The following RTN4IP1 variants were observed in gnomAD, a reference collection of about 807,000 sequenced individuals.
RTN4IP1 encodes NAD(P)H oxidoreductase RTN4IP1, mitochondrial.
In RTN4IP1, 32 loss-of-function variants were observed where a neutral mutation model predicts 46.6. That is an observed-to-expected ratio of 0.69 (90% CI 0.52 to 0.92). The LOEUF is 0.92. Ranked by LOEUF, RTN4IP1 falls within the 40% of genes least tolerant of loss-of-function variation. The probability of loss-of-function intolerance (pLI) is 0.00; values close to 1 mark genes in which losing one functional copy is unlikely to be tolerated. For missense variants in RTN4IP1, 424 were observed against 485.8 expected, an observed-to-expected ratio of 0.87 and a Z score of 1.20; for synonymous variants, 167 against 161.8, an observed-to-expected ratio of 1.03 and a Z score of -0.24.
At chr6:106,577,551 A>T (rs4523123) in intron 8 of RTN4IP1, among the ~76,000 whole-genome samples, 21,313 of 151,308 alleles carry the variant, frequency 0.14, 1,725 homozygotes, top group African/African-American at 0.21. Context: ...TGCTCTCATA[A>T]CCTTTTTGAA....
chr6:106,581,860 G>C (rs1775379633), intron 8 of RTN4IP1, among the ~76,000 whole-genome samples: 1 of 152,206 alleles, frequency 6.6e-6, no homozygotes, highest in Non-Finnish European at 1.5e-5. Context: ...GGAGCAGATA[G>C]CAGGACAAGC....
chr6:106,579,324 C>T (rs984848850), intron 8 of RTN4IP1, among the ~76,000 whole-genome samples: 4 of 151,888 alleles, frequency 2.6e-5, no homozygotes, highest in Admixed American at 2.6e-4. Flanking sequence ...CTGTAGTTTG[C>T]CAACCACTTT....
chr6:106,621,806 T>C (rs1277780926), intron 2 of RTN4IP1, among the ~76,000 whole-genome samples: 1 of 152,198 alleles, frequency 6.6e-6, no homozygotes, highest in Non-Finnish European at 1.5e-5. Flanking sequence ...TGAGACCTCT[T>C]TATAGCTTGG....
chr6:106,605,297 G>A (rs780461955), intron 4 of RTN4IP1, among the ~76,000 whole-genome samples: 58 of 151,788 alleles, frequency 3.8e-4, no homozygotes, highest in Middle Eastern at 6.8e-3. Context: ...AGCTGGGCAC[G>A]GTGGCACACT....
chr6:106,606,860 T>C (rs1000510146), intron 4 of RTN4IP1, among the ~76,000 whole-genome samples: 3 of 152,114 alleles, frequency 2.0e-5, no homozygotes, highest in Admixed American at 2.0e-4. Context: ...ATTCAAGCCT[T>C]ATCAAAATAT....
At chr6:106,592,892 G>A (rs1775698407) in intron 5 of RTN4IP1, among the ~76,000 whole-genome samples, 1 of 151,248 alleles carries the variant, frequency 6.6e-6, no homozygotes, top group Non-Finnish European at 1.5e-5. Context: ...TCGTGCCATC[G>A]CACTCCAGCC....
At chr6:106,614,993 T>C (rs1000407232) in intron 4 of RTN4IP1, among the ~76,000 whole-genome samples, 1 of 100,424 alleles carries the variant, frequency 1.0e-5, no homozygotes, top group Non-Finnish European at 1.8e-5. Context: ...AAAATAGACC[T>C]GAAGCAAAGG....
intron 4 of RTN4IP1, among the ~76,000 whole-genome samples, chr6:106,618,889 G>A (rs1776413629): frequency 6.6e-6 from 1 of 151,942 alleles, no homozygotes; most frequent in South Asian, 2.1e-4. Flanking sequence ...TTAAAAAAAA[G>A]ATATGGATCT....
chr6:106,599,335 CA>C (rs1255890189), intron 5 of RTN4IP1, among the ~76,000 whole-genome samples: 1 of 151,790 alleles, frequency 6.6e-6, no homozygotes, highest in East Asian at 1.9e-4. Context: ...TTATTATAAC[CA>C]CTATTCAAAA....
Position 106,619,252 on chromosome 6 carries a change from A to C in RTN4IP1, c.570T>G (p.Ser190=), listed in dbSNP as rs547939510. Residue 190 remains serine, a synonymous_variant, in exon 4 of 9, where the codon TCT becomes TCG. Coordinates refer to ENST00000369063, the MANE Select transcript of RTN4IP1 (RefSeq NM_032730.5). Reference sequence around the variant, plus strand: ...TCAGGCCACCAACTTTGTTTATAGCAGACCAGGCTGTGAGAGCCACATATG... The same window carrying C: ...TCAGGCCACCAACTTTGTTTATAGCCGACCAGGCTGTGAGAGCCACATATG... ...SLPYVALTAW[S]AINKVGGLND... The C allele has an allele frequency of 6.2e-7, 1 of 1,614,218 alleles. No individual in the cohort carries two copies. Among genetic ancestry groups the C allele is most frequent in the Admixed American group, 1.7e-5 (1 of 60,030 alleles).
At chr6:106,583,543 A>AG in intron 7 of RTN4IP1, 123 bp from the exon 8 acceptor site, 1 of 724,588 alleles carries the variant, frequency 1.4e-6, no homozygotes. Flanking sequence ...CATGCTGACA[A>AG]AATGTGTGCA....
Position 106,584,950 on chromosome 6 carries a change from G to A in RTN4IP1, c.991-1530C>T, listed in dbSNP as rs529036086. 3.9e-5 allele frequency among the ~76,000 whole-genome samples: 6 copies of A among 152,310 alleles called. 1 individual carries two copies. The highest frequency in any genetic ancestry group is 1.2e-4 in the African/African-American group (5 of 41,574). ...GGACTACAGATATAAAGAGAGTCAA[G>A]CTTACTCTAGAATTGGTGTGATGAG... On this transcript the variant is annotated intron_variant, in intron 7 of 8. Coordinates refer to ENST00000369063, the MANE Select transcript of RTN4IP1 (RefSeq NM_032730.5).
chr6:106,603,301 T>C (rs1190860930), intron 4 of RTN4IP1, among the ~76,000 whole-genome samples: 5 of 152,210 alleles, frequency 3.3e-5, no homozygotes, highest in African/African-American at 1.2e-4. Flanking sequence ...TGCTTAGCTG[T>C]TCTCTAAGAA....
At chr6:106,619,750 T>A (rs1362609228) in intron 3 of RTN4IP1, among the ~76,000 whole-genome samples, 1 of 151,164 alleles carries the variant, frequency 6.6e-6, no homozygotes, top group Non-Finnish European at 1.5e-5. Context: ...TAGCTGGGAC[T>A]ACAGGCGCCC....
At position 106,625,996 on chromosome 6, in the gene RTN4IP1, G is replaced by A. The variant is rs6916740; in HGVS notation, c.274+2752C>T. On this transcript the variant is annotated intron_variant, in intron 1 of 8. Coordinates refer to ENST00000369063, the MANE Select transcript of RTN4IP1 (RefSeq NM_032730.5). ...AGAAAGGAGAAATAACAGCAAGTCT[G>A]TATACTAATGGAGATGATCCAGTAG... is the stretch of plus-strand genomic sequence containing the variant. 3.3e-3 allele frequency among the ~76,000 whole-genome samples: 507 copies of A among 152,212 alleles called. 5 individuals carry two copies. Among genetic ancestry groups the A allele is most frequent in the African/African-American group, 0.012 (483 of 41,512 alleles).
chr6:106,576,758 C>T (rs2353041), intron 8 of RTN4IP1, among the ~76,000 whole-genome samples: 143,921 of 152,302 alleles, frequency 0.94, 68,516 homozygotes, highest in East Asian at 1. Context: ...TCAAGTTGCA[C>T]TTGCTACATT....
At chr6:106,596,625 C>G (rs1562141103) in intron 5 of RTN4IP1, among the ~76,000 whole-genome samples, 1 of 152,204 alleles carries the variant, frequency 6.6e-6, no homozygotes, top group East Asian at 1.9e-4. Context: ...CTTATCAGAA[C>G]ATATGGCTGT....
At chr6:106,619,169 G>C (rs772158801) in intron 4 of RTN4IP1, 33 bp downstream of exon 4, 2 of 1,611,614 alleles carry the variant, frequency 1.2e-6, no homozygotes, top group Non-Finnish European at 1.7e-6. Context: ...AAAGAAAAGA[G>C]GTTTAGATGC....
chr6:106,582,049 T>C (rs778681997), intron 8 of RTN4IP1, among the ~76,000 whole-genome samples: 1 of 152,126 alleles, frequency 6.6e-6, no homozygotes, highest in African/African-American at 2.4e-5. Context: ...TGAGCCCCTG[T>C]CCCTATCAGA....
Sources: allele counts gnomAD v4.1 joint callset (sites outside exome capture counted in the v4.1 genomes callset), GRCh38; gene constraint gnomAD v4.1.1; transcripts MANE v1.5; gene names NCBI Gene and HGNC (gene_info 2026-07-23, HGNC 2026-07-21).